The following GAPDHS variants were observed in gnomAD, a reference collection of about 807,000 sequenced individuals.
The protein encoded by GAPDHS is glyceraldehyde-3-phosphate dehydrogenase, testis-specific.
Under a neutral mutation model 48.7 loss-of-function variants are expected in GAPDHS, and 42 were observed. The ratio of observed to expected loss-of-function variants is 0.86; its 90% CI spans 0.67 to 1.12. The LOEUF is 1.12. Ranked by LOEUF, GAPDHS falls within the 50% of genes most tolerant of loss-of-function variation. The pLI is 0.00. For synonymous variants in GAPDHS, 166 were observed against 219.1 expected (o/e 0.76, Z 2.14); for missense variants, 512 against 557.7 (o/e 0.92, Z 0.82).
chr19:35,533,702 C>A, intron 1 of GAPDHS, 108 bp downstream of exon 1: 2 of 789,562 alleles, frequency 2.5e-6, no homozygotes, highest in East Asian at 2.7e-5. Context: ...GCGTGTGCAC[C>A]ATCTAGGGAC....
At chr19:35,536,741 G>A in intron 1 of GAPDHS, 72 bp from the exon 2 acceptor site, 3 of 1,308,844 alleles carry the variant, frequency 2.3e-6, no homozygotes, top group South Asian at 1.4e-5. Context: ...AACAGATTCT[G>A]GGCAGCAAAG....
At position 35,542,389 on chromosome 19, in the gene GAPDHS, C is replaced by T. The variant is rs1431555144; in HGVS notation, c.520C>T (p.Leu174Phe). The T allele has an allele frequency of 6.2e-7, 1 of 1,605,858 alleles. No homozygotes were observed. The highest frequency in any genetic ancestry group is 2.2e-5 in the East Asian group (1 of 44,878). ...PYVVESTGVY[L>F]SIQAASDHIS... is the part of the protein sequence containing the mutation. ...CGTGGTGGAGTCCACAGGCGTGTAC[C>T]TCTCCATACAGGCAGCTTCGGTAAG... is the stretch of plus-strand genomic sequence containing the variant. Residue 174 changes from leucine (L) to phenylalanine (F), a missense_variant, in exon 5 of 11, where the codon CTC (leucine) becomes TTC (phenylalanine). Leu to Phe is a conservative substitution (Grantham distance 22). Coordinates refer to ENST00000222286, the MANE Select transcript of GAPDHS (RefSeq NM_014364.5).
rs1419771975 is a variant in GAPDHS, at chr19:35,538,568, C to T, written c.343-9C>T. 1 of 1,551,288 alleles carries T rather than the reference C, an allele frequency of 6.4e-7. No individual in the cohort carries two copies. The highest frequency in any genetic ancestry group is 8.9e-7 in the Non-Finnish European group (1 of 1,123,084). ...ACCCCAAGACTAGGAGCCATTCCAT[C>T]CCCCACAGGTGTACATGTTTAAGTA... On this transcript the variant is annotated splice_polypyrimidine_tract_variant and intron_variant, in intron 3 of 10. Transcript: ENST00000222286.
chr19:35,538,234 A>C (rs2071478284), intron 2 of GAPDHS, 73 bp from the exon 3 acceptor site: 1 of 1,040,544 alleles, frequency 9.6e-7, no homozygotes, highest in Admixed American at 2.0e-5. Context: ...AGGATTCCCA[A>C]CCAGGCTCCT....
chr19:35,539,688 T>G (rs1467303728), intron 4 of GAPDHS, among the ~76,000 whole-genome samples: 2 of 151,138 alleles, frequency 1.3e-5, no homozygotes, highest in African/African-American at 4.9e-5. Flanking sequence ...TTACTGGGGG[T>G]AGGGTGAGTG....
chr19:35,537,092 T>C (rs1391458390), intron 2 of GAPDHS, 102 bp downstream of exon 2: 1 of 989,722 alleles, frequency 1.0e-6, no homozygotes. Flanking sequence ...ATCAATGCTT[T>C]CGTTCCGACG....
chr19:35,534,197 A>G, intron 1 of GAPDHS, among the ~76,000 whole-genome samples: 1 of 152,060 alleles, frequency 6.6e-6, no homozygotes, highest in East Asian at 1.9e-4. Flanking sequence ...GCGCGCGCAC[A>G]CACACACACA....
Position 35,543,468 on chromosome 19 carries a change from CA to C in GAPDHS, c.873del (p.Val292SerfsTer9). The C allele has an allele frequency of 6.2e-7, 1 of 1,605,296 alleles. No individual in the cohort carries two copies. Among genetic ancestry groups the C allele is most frequent in the Non-Finnish European group, 8.5e-7 (1 of 1,177,540 alleles). On this transcript the variant is annotated frameshift_variant, in exon 8 of 11. Transcript: ENST00000222286. LOFTEE classifies it high-confidence loss of function. ...CCACTGGGGCTGCGAAAGCTGTGAC[CA>C]AAGTCATCCCAGAGCTCAAAGGGTA... ...ASTGAAKAVT[K>X]VIPELKGKLT... is the part of the protein sequence containing the mutation.
intron 1 of GAPDHS, among the ~76,000 whole-genome samples, chr19:35,535,678 C>G (rs1216390372): frequency 1.3e-5 from 2 of 151,828 alleles, no homozygotes; most frequent in African/African-American, 4.8e-5. Context: ...TGAGCCACCG[C>G]TCCCGGCCTG....
intron 9 of GAPDHS, chr19:35,544,582 T>G: frequency 2.9e-6 from 1 of 345,020 alleles, no homozygotes; most frequent in South Asian, 3.8e-5. Flanking sequence ...ATCTTTCTAG[T>G]CATCTAGACC....
In GAPDHS at chr19:35,542,579, C is replaced by T. The variant is rs748374403; in HGVS notation, c.630C>T (p.Asp210=). The T allele has an allele frequency of 3.1e-6, 5 of 1,612,630 alleles. No homozygotes were observed. Among genetic ancestry groups the T allele is most frequent in the East Asian group, 2.2e-5 (1 of 44,890 alleles). Residue 210 remains aspartate (D), a synonymous_variant, in exon 6 of 11, where the codon GAC becomes GAT. Coordinates refer to ENST00000222286, the MANE Select transcript of GAPDHS (RefSeq NM_014364.5). ...PMFVMGVNEN[D]YNPGSMNIVS... The stretch of plus-strand genomic sequence containing the variant: ...TCGTCATGGGTGTCAATGAAAATGA[C>T]TATAACCCTGGCTCCATGAACATTG...
intron 6 of GAPDHS, 80 bp downstream of exon 6, chr19:35,542,688 C>G: frequency 2.0e-6 from 2 of 1,012,812 alleles, no homozygotes; most frequent in Non-Finnish European, 3.1e-6. Context: ...CACTGGATTC[C>G]TGGTCGCTTG....
intron 1 of GAPDHS, among the ~76,000 whole-genome samples, chr19:35,536,028 C>T (rs2071463959): frequency 6.6e-6 from 1 of 151,930 alleles, no homozygotes; most frequent in Non-Finnish European, 1.5e-5. Flanking sequence ...GTGTGAGCCA[C>T]CACGCCTGGC....
intron 3 of GAPDHS, 50 bp from the exon 4 acceptor site, chr19:35,538,527 G>T: frequency 7.6e-7 from 1 of 1,323,358 alleles, no homozygotes. Context: ...GACTCTCTAG[G>T]GATCCTCACC....
At chr19:35,534,607 C>T (rs1289504881) in intron 1 of GAPDHS, among the ~76,000 whole-genome samples, 1 of 152,040 alleles carries the variant, frequency 6.6e-6, no homozygotes, top group African/African-American at 2.4e-5. Flanking sequence ...GAGAGGAGGA[C>T]CATCTGAGTT....
chr19:35,536,747 C>T, intron 1 of GAPDHS, 66 bp from the exon 2 acceptor site: 1 of 1,367,790 alleles, frequency 7.3e-7, no homozygotes, highest in Admixed American at 1.9e-5. Context: ...TTCTGGGCAG[C>T]AAAGACAGTT....
At position 35,542,966 on chromosome 19, in the gene GAPDHS, C is replaced by T; in HGVS notation, c.681C>T (p.Asn227=). Residue 227 remains asparagine (N), a synonymous_variant, in exon 7 of 11, where the codon AAC becomes AAT. Transcript: ENST00000222286. ...NIVSNASCTT[N]CLAPLAKVIH... is the part of the protein sequence containing the mutation. ...TCAGCAACGCGTCCTGCACCACCAA[C>T]TGTTTGGCTCCCCTCGCCAAAGTCA... 1 of 1,614,088 alleles carries T rather than the reference C, an allele frequency of 6.2e-7. No homozygotes were observed. Among genetic ancestry groups the T allele is most frequent in the Non-Finnish European group, 8.5e-7 (1 of 1,179,930 alleles).
At chr19:35,544,048 G>T in intron 9 of GAPDHS, 1 of 719,052 alleles carries the variant, frequency 1.4e-6, no homozygotes. Flanking sequence ...AGTCTCTGGA[G>T]GAACCTCCCT....
rs1182162787 is a variant in GAPDHS at position 35,545,025 on chromosome 19, G to C, written c.1154+19G>C. ...TTTCATGGTAAGGGGGAAGGAGCTG[G>C]AGACTTAGAGGGAGGGGAACTAAGG... On this transcript the variant is annotated intron_variant, in intron 10 of 10. Transcript: ENST00000222286. 6.2e-7 allele frequency: 1 copy of C among 1,607,428 alleles called. No individual in the cohort carries two copies.
Sources: allele counts gnomAD v4.1 joint callset (sites outside exome capture counted in the v4.1 genomes callset), GRCh38; gene constraint gnomAD v4.1.1; transcripts MANE v1.5; gene names NCBI Gene and HGNC (gene_info 2026-07-23, HGNC 2026-07-21).